Variants in MTA3 observed in about 807,000 individuals in gnomAD.
MTA3 encodes the protein metastasis associated 1 family member 3.
Under a neutral mutation model 83.5 loss-of-function variants are expected in MTA3, and 34 were observed. That is an observed-to-expected ratio of 0.41 (90% confidence interval 0.31 to 0.54). The LOEUF is 0.54. Ranked by LOEUF, MTA3 falls within the 20% of genes least tolerant of loss-of-function variation. The pLI is 0.33. For synonymous variants in MTA3, 303 were observed against 252.7 expected (o/e 1.20, Z -1.89); for missense variants, 761 against 726.4 (o/e 1.05, Z -0.55).
intron 3 of MTA3, among the ~76,000 whole-genome samples, chr2:42,599,604 A>C (rs1186847344): frequency 6.6e-6 from 1 of 152,064 alleles, no homozygotes; most frequent in Non-Finnish European, 1.5e-5. Context: ...AAAAAAGAAA[A>C]GAGTAGTGGT....
At chr2:42,509,758 G>A (rs1375188372) in intron 2 of MTA3, among the ~76,000 whole-genome samples, 2 of 151,858 alleles carry the variant, frequency 1.3e-5, no homozygotes, top group East Asian at 1.9e-4. Flanking sequence ...GCGACACAGT[G>A]AGACCCTGTC....
chr2:42,660,171 C>G (rs572288955), intron 8 of MTA3, among the ~76,000 whole-genome samples: 56 of 152,172 alleles, frequency 3.7e-4, no homozygotes, highest in Middle Eastern at 3.4e-3. Context: ...TCACTGCAAC[C>G]TCCGCCTCCT....
chr2:42,563,328 C>G (rs1418438210), intron 2 of MTA3, among the ~76,000 whole-genome samples: 1 of 152,196 alleles, frequency 6.6e-6, no homozygotes, highest in Non-Finnish European at 1.5e-5. Flanking sequence ...GCCACCATGC[C>G]TGGCTAATTT....
chr2:42,673,798 A>G (rs535483228), intron 8 of MTA3, among the ~76,000 whole-genome samples: 20 of 152,244 alleles, frequency 1.3e-4, no homozygotes, highest in South Asian at 4.1e-4. Context: ...AGGTTGCTCC[A>G]GGAAGAGTGT....
intron 2 of MTA3, among the ~76,000 whole-genome samples, chr2:42,524,304 A>AT (rs1343635418): frequency 7.9e-4 from 114 of 144,378 alleles, no homozygotes; most frequent in South Asian, 6.4e-3. Context: ...CATTATTATT[A>AT]TTTTTTTTTT....
At chr2:42,632,408 CT>C (rs1184578702) in intron 4 of MTA3, among the ~76,000 whole-genome samples, 1 of 152,020 alleles carries the variant, frequency 6.6e-6, no homozygotes, top group African/African-American at 2.4e-5. Context: ...CTGTTTTGTA[CT>C]TATTAACCAT....
At chr2:42,559,602 G>C (rs1213924005) in intron 2 of MTA3, among the ~76,000 whole-genome samples, 2 of 151,642 alleles carry the variant, frequency 1.3e-5, no homozygotes, top group Non-Finnish European at 2.9e-5. Flanking sequence ...TCTCTGGCCA[G>C]GCGCAGTGGC....
At chr2:42,639,938 A>T (rs1687554868) in intron 4 of MTA3, among the ~76,000 whole-genome samples, 1 of 152,166 alleles carries the variant, frequency 6.6e-6, no homozygotes, top group Admixed American at 6.5e-5. Flanking sequence ...TTTATTGCCT[A>T]ACACAATTAC....
intron 2 of MTA3, among the ~76,000 whole-genome samples, chr2:42,536,483 A>C (rs1676242242): frequency 6.6e-6 from 1 of 151,656 alleles, no homozygotes; most frequent in Non-Finnish European, 1.5e-5. Flanking sequence ...CTCAAAAATA[A>C]AGGAAAAAGA....
intron 2 of MTA3, among the ~76,000 whole-genome samples, chr2:42,550,050 G>A (rs1240055865): frequency 6.6e-6 from 1 of 152,046 alleles, no homozygotes; most frequent in Admixed American, 6.6e-5. Flanking sequence ...TGGCAATTCA[G>A]ATATGCCAAA....
At chr2:42,642,584 A>G (rs1276187933) in intron 5 of MTA3, among the ~76,000 whole-genome samples, 2 of 152,206 alleles carry the variant, frequency 1.3e-5, no homozygotes, top group East Asian at 3.9e-4. Flanking sequence ...GTAAAGCAAA[A>G]CAAAAAAATC....
chr2:42,730,154 A>G (rs1026025780), intron 16 of MTA3, among the ~76,000 whole-genome samples: 3 of 152,216 alleles, frequency 2.0e-5, no homozygotes, highest in East Asian at 3.8e-4. Flanking sequence ...ATATAAGATC[A>G]TATCATCTGC....
chr2:42,703,829 G>A, intron 11 of MTA3: 1 of 168,618 alleles, frequency 5.9e-6, no homozygotes, highest in Non-Finnish European at 1.3e-5. Flanking sequence ...CACGGATGTT[G>A]CAGTGAGCCG....
At chr2:42,623,459 C>A (rs960542657) in intron 4 of MTA3, among the ~76,000 whole-genome samples, 1 of 152,152 alleles carries the variant, frequency 6.6e-6, no homozygotes, top group South Asian at 2.1e-4. Flanking sequence ...GTCTTTGGGT[C>A]TTTTCTTCAG....
In MTA3 at chr2:42,570,500, A is replaced by G; in HGVS notation, c.92A>G (p.Asn31Ser). Residue 31 changes from asparagine (N) to serine (S), a missense_variant, in exon 2 of 17, where the codon AAC becomes AGC. By Grantham distance (46) the Asn-to-Ser change is conservative. Coordinates refer to ENST00000405094, the MANE Select transcript of MTA3 (RefSeq NM_001330442.2). ...PYLIRRIEELNKTASGNVEAK... is the reference protein window; with the variant it reads ...PYLIRRIEELSKTASGNVEAK... ...CTAATAAGAAGGATAGAAGAACTCA[A>G]CAAGGTATACACTGAGTGTTCTTAA... The G allele has an allele frequency of 6.6e-7, 1 of 1,508,172 alleles. No homozygotes were observed. The highest frequency in any genetic ancestry group is 9.0e-7 in the Non-Finnish European group (1 of 1,108,132). 93.4% of individuals were successfully genotyped at this position (1,508,172 alleles called of 1,614,324 possible).
chr2:42,512,968 A>G (rs775242495), intron 2 of MTA3, among the ~76,000 whole-genome samples: 43 of 152,196 alleles, frequency 2.8e-4, no homozygotes, highest in Middle Eastern at 3.2e-3. Flanking sequence ...TAATGGCACC[A>G]ATCAAACCAT....
At chr2:42,690,108 T>C (rs1367354718) in intron 9 of MTA3, among the ~76,000 whole-genome samples, 2 of 152,140 alleles carry the variant, frequency 1.3e-5, no homozygotes, top group African/African-American at 2.4e-5. Context: ...GCTATGACCA[T>C]GCCTGTGAAT....
At chr2:42,724,886 T>G (rs76791570) in intron 16 of MTA3, among the ~76,000 whole-genome samples, 5,971 of 152,322 alleles carry the variant, frequency 0.039, 409 homozygotes, top group African/African-American at 0.14. Context: ...TGCCACACGG[T>G]CATTGCTTCT....
chr2:42,724,738 A>G (rs1211953554), intron 16 of MTA3, among the ~76,000 whole-genome samples: 1 of 152,182 alleles, frequency 6.6e-6, no homozygotes, highest in Non-Finnish European at 1.5e-5. Context: ...TCTGGATCCC[A>G]GTCCTGGCCT....
Sources: gnomAD v4.1 joint callset for allele counts (sites outside exome capture counted in the v4.1 genomes callset) on GRCh38, gnomAD v4.1.1 for gene constraint, MANE v1.5 for transcripts, NCBI Gene and HGNC (gene_info 2026-07-23, HGNC 2026-07-21) for gene names.